The following KDM4B variants were observed in gnomAD, a reference collection of about 807,000 sequenced individuals.
The protein encoded by KDM4B is lysine-specific demethylase 4B.
KDM4B carries 32 observed loss-of-function variants against 125.2 expected under a neutral mutation model. The observed-to-expected ratio is 0.26, with a 90% CI of 0.19 to 0.34. The LOEUF is 0.34. Among genes scored for constraint, KDM4B ranks in the 10% least tolerant of loss-of-function variants. The probability of loss-of-function intolerance (pLI) is 1.00; values close to 1 mark genes in which losing one functional copy is unlikely to be tolerated. For missense variants in KDM4B, 1,190 were observed against 1,577.7 expected (o/e 0.75, Z 4.16); for synonymous variants, 721 against 677.9 (o/e 1.06, Z -0.99).
chr19:5,015,485 C>T (rs1325623960), intron 1 of KDM4B, among the ~76,000 whole-genome samples: 1 of 152,136 alleles, frequency 6.6e-6, no homozygotes, highest in African/African-American at 2.4e-5. Context: ...CCCCTGACCT[C>T]AGCTGATCTG....
intron 1 of KDM4B, among the ~76,000 whole-genome samples, chr19:5,001,701 G>A (rs1448012816): frequency 1.3e-5 from 2 of 152,184 alleles, no homozygotes; most frequent in Non-Finnish European, 2.9e-5. Flanking sequence ...TCGTCTGGGA[G>A]GGCCTGGTTC....
In KDM4B at chr19:5,144,307, G is replaced by A. The variant is rs1475643821; in HGVS notation, c.2796G>A (p.Gly932=). ...GQVVITKNRN[G]LYYRCRVIGA... ...TGGTCATCACCAAGAACCGCAACGGGCTGTACTACCGCTGTCGCGTCATCG... is the reference window on the plus strand; with the variant it reads ...TGGTCATCACCAAGAACCGCAACGGACTGTACTACCGCTGTCGCGTCATCG... Residue 932 remains glycine, a synonymous_variant, in exon 20 of 23, where the codon GGG becomes GGA. Transcript: ENST00000159111. The A allele has an allele frequency of 3.3e-5, 52 of 1,590,444 alleles. No individual in the cohort carries two copies. The highest frequency in any genetic ancestry group is 1.6e-4 in the Middle Eastern group (1 of 6,062).
chr19:5,008,591 C>CTTTTTTT (rs550611814), intron 1 of KDM4B, among the ~76,000 whole-genome samples: 24 of 135,544 alleles, frequency 1.8e-4, no homozygotes, highest in Non-Finnish European at 2.7e-4. Context: ...TTTTCTTTTT[C>CTTTTTTT]TTTTTTTTTT....
intron 5 of KDM4B, among the ~76,000 whole-genome samples, chr19:5,043,126 T>TG (rs201409929): frequency 1.3e-5 from 2 of 151,026 alleles, no homozygotes; most frequent in East Asian, 2.0e-4. Context: ...TTTATCGGAG[T>TG]GGGGTGTCCA....
intron 1 of KDM4B, among the ~76,000 whole-genome samples, chr19:4,978,370 G>A (rs751146091): frequency 2.0e-5 from 3 of 151,730 alleles, no homozygotes; most frequent in Admixed American, 6.6e-5. Flanking sequence ...AGCCGGGCGC[G>A]GTGGCACGTG....
intron 15 of KDM4B, among the ~76,000 whole-genome samples, chr19:5,136,108 T>C (rs2039644084): frequency 6.6e-6 from 1 of 152,224 alleles, no homozygotes; most frequent in East Asian, 1.9e-4. Context: ...GCAGGGTTCC[T>C]CCTCACTGGC....
At chr19:4,981,110 T>A (rs950736747) in intron 1 of KDM4B, among the ~76,000 whole-genome samples, 12 of 152,258 alleles carry the variant, frequency 7.9e-5, no homozygotes, top group Admixed American at 2.6e-4. Flanking sequence ...TCTCTCAGCC[T>A]GAGCTGGCGT....
At chr19:5,100,528 A>G (rs2038910260) in intron 9 of KDM4B, among the ~76,000 whole-genome samples, 2 of 152,172 alleles carry the variant, frequency 1.3e-5, no homozygotes, top group Admixed American at 6.5e-5. Flanking sequence ...CCTAGGCTCA[A>G]GTGATCCTCC....
Position 5,030,720 on chromosome 19 carries a change from G to A in KDM4B, c.-25-2146G>A, listed in dbSNP as rs551671726. Reference sequence around the variant, plus strand: ...CCCAGCTGTGTGCCGTGTGGCCTAGGCCCACAACTGCCCCTCGTGGGCCTC... The same window carrying A: ...CCCAGCTGTGTGCCGTGTGGCCTAGACCCACAACTGCCCCTCGTGGGCCTC... On this transcript the variant is annotated intron_variant, in intron 2 of 22. Coordinates refer to ENST00000159111, the MANE Select transcript of KDM4B (RefSeq NM_015015.3). Among the ~76,000 whole-genome samples the A allele has an allele frequency of 4.6e-5, 7 of 152,326 alleles. No individual in the cohort carries two copies. In the East Asian group the frequency reaches 7.7e-4, roughly 17 times the overall value.
chr19:5,085,346 G>A (rs1373528388), intron 9 of KDM4B, among the ~76,000 whole-genome samples: 1 of 152,204 alleles, frequency 6.6e-6, no homozygotes, highest in Non-Finnish European at 1.5e-5. Flanking sequence ...AAGGGCATGT[G>A]TCTGTGTGTT....
At chr19:5,109,730 C>G (rs2039103587) in intron 9 of KDM4B, among the ~76,000 whole-genome samples, 1 of 152,192 alleles carries the variant, frequency 6.6e-6, no homozygotes, top group African/African-American at 2.4e-5. Flanking sequence ...GCCCTGCAAG[C>G]TGGAGGCAGT....
intron 8 of KDM4B, chr19:5,077,746 C>G (rs1236180271): frequency 7.0e-6 from 3 of 429,474 alleles, no homozygotes; most frequent in Non-Finnish European, 1.3e-5. Flanking sequence ...AGAGGCCCCT[C>G]CGCAGGGGCT....
At chr19:5,119,255 AT>A in intron 10 of KDM4B, 1 of 1,349,864 alleles carries the variant, frequency 7.4e-7, no homozygotes, top group Non-Finnish European at 1.0e-6. Flanking sequence ...TCGTCTAGGC[AT>A]TTTCCATGAG....
At chr19:5,144,199 C>T (rs1359359317) in intron 19 of KDM4B, 47 bp downstream of exon 19, 1 of 1,584,912 alleles carries the variant, frequency 6.3e-7, no homozygotes, top group Non-Finnish European at 8.6e-7. Flanking sequence ...GCTCCCGCCC[C>T]CACCGACACC....
chr19:5,002,602 C>T (rs2035426084), intron 1 of KDM4B, among the ~76,000 whole-genome samples: 1 of 151,798 alleles, frequency 6.6e-6, no homozygotes, highest in Admixed American at 6.6e-5. Context: ...AGTCTTCCTG[C>T]CTTGGCCTCC....
chr19:5,128,630 C>G (rs1186221950), intron 11 of KDM4B, among the ~76,000 whole-genome samples: 3 of 152,194 alleles, frequency 2.0e-5, no homozygotes, highest in Non-Finnish European at 2.9e-5. Flanking sequence ...GGCGTGCGGC[C>G]TCTGCAGCCT....
chr19:4,983,040 G>A (rs1190232287), intron 1 of KDM4B, among the ~76,000 whole-genome samples: 1 of 151,794 alleles, frequency 6.6e-6, no homozygotes, highest in East Asian at 1.9e-4. Context: ...ACAGTGTATT[G>A]TATTGAACCC....
chr19:5,119,478 G>A (rs749186491), intron 10 of KDM4B, among the ~76,000 whole-genome samples, 175 bp from the exon 11 acceptor site: 2 of 152,208 alleles, frequency 1.3e-5, no homozygotes, highest in Admixed American at 6.5e-5. Context: ...TGCCCCGCAA[G>A]AGCAGAACCC....
chr19:5,134,307 G>C (rs1207493066), intron 14 of KDM4B, among the ~76,000 whole-genome samples: 2 of 152,204 alleles, frequency 1.3e-5, no homozygotes, highest in African/African-American at 4.8e-5. Flanking sequence ...GAGGGAGGCT[G>C]CGGAGGCTCG....
Sources: gnomAD v4.1 joint callset for allele counts (sites outside exome capture counted in the v4.1 genomes callset) on GRCh38, gnomAD v4.1.1 for gene constraint, MANE v1.5 for transcripts, NCBI Gene and HGNC (gene_info 2026-07-23, HGNC 2026-07-21) for gene names.